Variants in RNF157 observed in about 807,000 individuals in gnomAD.
RNF157 encodes E3 ubiquitin ligase RNF157.
RNF157 carries 55 observed loss-of-function variants against 88.3 expected under a neutral mutation model. That is an observed-to-expected ratio of 0.62 (90% CI 0.50 to 0.78). The LOEUF (loss-of-function observed/expected upper bound fraction) is 0.78, where lower values mean the gene tolerates loss of function less well. Ranked by LOEUF, RNF157 falls within the 30% of genes least tolerant of loss-of-function variation. The pLI is 0.00. For synonymous variants in RNF157, 334 were observed against 341.2 expected (o/e 0.98, Z 0.23); for missense variants, 788 against 860.8 (o/e 0.92, Z 1.06).
chr17:76,228,911 G>A (rs978713122), intron 1 of RNF157, among the ~76,000 whole-genome samples: 1 of 151,642 alleles, frequency 6.6e-6, no homozygotes, highest in Non-Finnish European at 1.5e-5. Flanking sequence ...GCGACAGAGT[G>A]AGACTCCATT....
At chr17:76,213,084 C>T (rs957639578) in intron 1 of RNF157, among the ~76,000 whole-genome samples, 8 of 152,044 alleles carry the variant, frequency 5.3e-5, no homozygotes, top group Non-Finnish European at 1.2e-4. Flanking sequence ...GCCAAAAGAC[C>T]AAAAGGTTCT....
chr17:76,149,056 T>C (rs2068632800), intron 18 of RNF157, among the ~76,000 whole-genome samples: 1 of 152,124 alleles, frequency 6.6e-6, no homozygotes, highest in African/African-American at 2.4e-5. Flanking sequence ...CTCCTTCCTT[T>C]ATTCCTTTCA....
intron 2 of RNF157, among the ~76,000 whole-genome samples, chr17:76,211,243 A>G (rs1228663177): frequency 1.3e-5 from 2 of 152,248 alleles, no homozygotes; most frequent in Non-Finnish European, 2.9e-5. Context: ...TGCCAATTCA[A>G]CAACTTGAAT....
chr17:76,181,907 CAAAA>C (rs36009510), intron 2 of RNF157, among the ~76,000 whole-genome samples: 3 of 75,924 alleles, frequency 4.0e-5, no homozygotes, highest in Admixed American at 1.5e-4. Flanking sequence ...GACTCTGTCT[CAAAA>C]AAAAAAAAAA....
rs1472999752 is a variant in RNF157 at position 76,176,106 on chromosome 17, C to CA, written c.208-2317dup. On this transcript the variant is annotated intron_variant, in intron 2 of 18. Coordinates refer to ENST00000269391, the MANE Select transcript of RNF157 (RefSeq NM_052916.3). This position sits in a 1 kb window ranked among gnomAD's most constrained non-coding sequence, Gnocchi z 4.2. ...CTTGCTGGCCTTGCATTCATGCAATCAGAGTCTACATGCAACACTCCATGC... is the reference window on the plus strand; with the variant it reads ...CTTGCTGGCCTTGCATTCATGCAATCAAGAGTCTACATGCAACACTCCATGC... Among the ~76,000 whole-genome samples the CA allele has an allele frequency of 2.6e-5, 4 of 152,162 alleles. No individual in the cohort carries two copies. Among genetic ancestry groups the CA allele is most frequent in the African/African-American group, 9.7e-5 (4 of 41,426 alleles).
At chr17:76,182,481 G>C (rs567441105) in intron 2 of RNF157, among the ~76,000 whole-genome samples, 2 of 150,424 alleles carry the variant, frequency 1.3e-5, no homozygotes, top group East Asian at 3.9e-4. Context: ...GTGTGTGTGT[G>C]TATCAATCAC....
intron 3 of RNF157, among the ~76,000 whole-genome samples, 155 bp downstream of exon 3, chr17:76,173,547 G>A (rs760788035): frequency 2.0e-5 from 3 of 152,152 alleles, no homozygotes; most frequent in Non-Finnish European, 4.4e-5. Flanking sequence ...GATCTCAGCA[G>A]AAAGTAGCGC....
At chr17:76,186,444 T>C (rs2069289061) in intron 2 of RNF157, among the ~76,000 whole-genome samples, 1 of 150,484 alleles carries the variant, frequency 6.6e-6, no homozygotes, top group African/African-American at 2.5e-5. Context: ...GAGGCAGAGG[T>C]TGCAGTGAGC....
At chr17:76,205,280 A>G (rs1313511691) in intron 2 of RNF157, among the ~76,000 whole-genome samples, 2 of 151,282 alleles carry the variant, frequency 1.3e-5, no homozygotes, top group Non-Finnish European at 2.9e-5. Context: ...CTAGGAATAT[A>G]GGTGTGTACC....
chr17:76,220,868 G>C (rs1191650605), intron 1 of RNF157, among the ~76,000 whole-genome samples: 3 of 151,600 alleles, frequency 2.0e-5, no homozygotes, highest in African/African-American at 7.3e-5. Context: ...TGAAACAGGA[G>C]AATCACTTGA....
At position 76,240,220 on chromosome 17, in the gene RNF157, C is replaced by T; in HGVS notation, c.21G>A (p.Arg7=). The T allele has an allele frequency of 1.4e-6, 2 of 1,386,696 alleles. No individual in the cohort carries two copies. The highest frequency in any genetic ancestry group is 1.9e-6 in the Non-Finnish European group (2 of 1,054,924). 85.9% of individuals were successfully genotyped at this position (1,386,696 alleles called of 1,614,324 possible). A position where few individuals can be genotyped will look rare whatever the true frequency, so the allele number is the denominator to read the frequency against. Residue 7 remains arginine (R), a synonymous_variant, in exon 1 of 19, where the codon CGG becomes CGA. Transcript: ENST00000269391. This position sits in a 1 kb window ranked among gnomAD's most constrained non-coding sequence, Gnocchi z 4.4. MGALTS[R]QHAGVEEVDI... ...CCACCTCCTCCACGCCCGCGTGCTG[C>T]CGGCTCGTCAGGGCCCCCATGGCCG...
At chr17:76,192,203 A>G (rs2069398620) in intron 2 of RNF157, among the ~76,000 whole-genome samples, 1 of 152,216 alleles carries the variant, frequency 6.6e-6, no homozygotes, top group African/African-American at 2.4e-5. Flanking sequence ...TGAATACCAC[A>G]GCAGTTCTTT....
In RNF157 at chr17:76,193,998, G is replaced by A. The variant is rs866935638; in HGVS notation, c.207+18366C>T. 7.2e-5 allele frequency among the ~76,000 whole-genome samples: 11 copies of A among 152,076 alleles called. No homozygotes were observed. In the South Asian group the frequency reaches 8.3e-4, roughly 11 times the overall value. On this transcript the variant is annotated intron_variant, in intron 2 of 18. Transcript: ENST00000269391. Reference sequence around the variant, plus strand: ...ACTCCCTGGACTACATGGGAACCAGGCCACAGAGAAGGCAATCACATTTCT... The same window carrying A: ...ACTCCCTGGACTACATGGGAACCAGACCACAGAGAAGGCAATCACATTTCT...
intron 3 of RNF157, among the ~76,000 whole-genome samples, 180 bp from the exon 4 acceptor site, chr17:76,167,977 T>C (rs2068955060): frequency 6.6e-6 from 1 of 152,230 alleles, no homozygotes; most frequent in South Asian, 2.1e-4. Flanking sequence ...TCAGGTTACT[T>C]CTGGTATCTC....
intron 1 of RNF157, among the ~76,000 whole-genome samples, chr17:76,215,807 G>T (rs988299388): frequency 6.6e-6 from 1 of 152,160 alleles, no homozygotes; most frequent in Admixed American, 6.5e-5. Context: ...AATCACTGAG[G>T]AACTACTGAA....
chr17:76,148,261 CTTTTTT>C (rs56231427), intron 18 of RNF157, among the ~76,000 whole-genome samples: 6 of 121,180 alleles, frequency 5.0e-5, no homozygotes, highest in Non-Finnish European at 1.0e-4. Flanking sequence ...TTATCTTTGC[CTTTTTT>C]TTTTTTTTTT....
At chr17:76,234,205 C>G (rs1323942347) in intron 1 of RNF157, among the ~76,000 whole-genome samples, 1 of 152,214 alleles carries the variant, frequency 6.6e-6, no homozygotes, top group Non-Finnish European at 1.5e-5. Flanking sequence ...TAGCACATAT[C>G]AAATCTTCAT....
At chr17:76,219,248 C>CA (rs1371719065) in intron 1 of RNF157, among the ~76,000 whole-genome samples, 3 of 151,178 alleles carry the variant, frequency 2.0e-5, no homozygotes, top group East Asian at 1.9e-4. Context: ...TTCCTAAATC[C>CA]AAAAAATACA....
chr17:76,182,447 T>C (rs547630355), intron 2 of RNF157, among the ~76,000 whole-genome samples: 1 of 119,960 alleles, frequency 8.3e-6, no homozygotes, highest in South Asian at 2.7e-4. Context: ...CACACGCATT[T>C]AGTCTGTGTG....
Sources: gnomAD v4.1 joint callset for allele counts (sites outside exome capture counted in the v4.1 genomes callset) on GRCh38, gnomAD v4.1.1 for gene constraint, Gnocchi (gnomAD v3.1) non-coding constraint, MANE v1.5 for transcripts, NCBI Gene and HGNC (gene_info 2026-07-23, HGNC 2026-07-21) for gene names.